CAST: variants seen among roughly 807,000 people sequenced by gnomAD.
CAST encodes the protein calpastatin.
A neutral mutation model predicts 119.6 loss-of-function variants in CAST; 76 were observed. The observed-to-expected ratio is 0.64, with a 90% CI of 0.53 to 0.77. The LOEUF (loss-of-function observed/expected upper bound fraction) is 0.77, where lower values mean the gene tolerates loss of function less well. Ranked by LOEUF, CAST falls within the 30% of genes least tolerant of loss-of-function variation. The pLI, the probability that CAST is intolerant of heterozygous loss-of-function variation, is 0.00. For missense variants in CAST, 953 were observed against 946.5 expected, an observed-to-expected ratio of 1.01 and a Z score of -0.09; for synonymous variants, 319 against 331.6, an observed-to-expected ratio of 0.96 and a Z score of 0.41.
At chr5:96,361,391 C>A in the CAST span, among the ~76,000 whole-genome samples, 1 of 152,146 alleles carries the variant, frequency 6.6e-6, no homozygotes, top group Non-Finnish European at 1.5e-5. Context: ...AAAAAAAACT[C>A]CTGCAGCTAG....
At chr5:96,670,471 T>G (rs1032469395) in intron 1 of CAST, among the ~76,000 whole-genome samples, 2 of 151,532 alleles carry the variant, frequency 1.3e-5, no homozygotes, top group Middle Eastern at 3.4e-3. Context: ...TCTTCTTGCT[T>G]CTTTTATATG....
At chr5:96,566,747 G>C (rs1318799663) in intron 1 of CAST, among the ~76,000 whole-genome samples, 1 of 152,144 alleles carries the variant, frequency 6.6e-6, no homozygotes, top group Non-Finnish European at 1.5e-5. Context: ...CTGCTGACAA[G>C]AAACATATAC....
In CAST at chr5:96,570,693, C is replaced by T. The variant is rs760200950; in HGVS notation, c.60+40813C>T. On this transcript the variant is annotated intron_variant, in intron 1 of 11. Coordinates refer to the CAST transcript ENST00000505143. The stretch of plus-strand genomic sequence containing the variant: ...CTTGTAGCATTTTTCCAAGCAACTT[C>T]GGTAAAGATTTAAATTAGTTTTTAC... Among the ~76,000 whole-genome samples, 7 of 152,144 alleles carry T rather than the reference C, an allele frequency of 4.6e-5. No individual in the cohort carries two copies. In the South Asian group the frequency reaches 8.3e-4, roughly 18 times the overall value.
chr5:96,738,035 A>T (rs1761996636), intron 11 of CAST, 88 bp downstream of exon 11: 4 of 760,794 alleles, frequency 5.3e-6, no homozygotes, highest in Non-Finnish European at 9.0e-6. Flanking sequence ...AAGAATACCT[A>T]GTGAGGCCAG....
chr5:96,137,832 G>A, the CAST span, among the ~76,000 whole-genome samples: 1 of 151,966 alleles, frequency 6.6e-6, no homozygotes, highest in Non-Finnish European at 1.5e-5. Flanking sequence ...CTGTTTTTTA[G>A]TTGGTCTGTT....
At chr5:96,702,536 C>T (rs1395882063) in intron 3 of CAST, among the ~76,000 whole-genome samples, 1 of 152,194 alleles carries the variant, frequency 6.6e-6, no homozygotes, top group Admixed American at 6.5e-5. Context: ...GTGCACCCAC[C>T]GTCGTTGCCT....
intron 12 of CAST, among the ~76,000 whole-genome samples, chr5:96,740,385 G>A (rs1262926243): frequency 6.6e-6 from 1 of 152,128 alleles, no homozygotes; most frequent in African/African-American, 2.4e-5. Flanking sequence ...CCTTCTGAGG[G>A]CTGTGAGGGA....
chr5:96,362,450 A>G, the CAST span, among the ~76,000 whole-genome samples: 9 of 152,210 alleles, frequency 5.9e-5, no homozygotes, highest in Non-Finnish European at 1.0e-4. Flanking sequence ...AGTCCCACCA[A>G]CAGTGTAAAA....
At chr5:96,528,982 G>A (rs149324431), upstream of CAST, among the ~76,000 whole-genome samples, 95 of 152,334 alleles carry the variant, frequency 6.2e-4, 1 homozygote, top group Non-Finnish European at 1.2e-3. Flanking sequence ...CATAAACCTG[G>A]TGACTACGAC....
At chr5:96,618,336 T>C (rs1034008250) in intron 1 of CAST, among the ~76,000 whole-genome samples, 1 of 152,188 alleles carries the variant, frequency 6.6e-6, no homozygotes, top group African/African-American at 2.4e-5. Flanking sequence ...CTCCTGGTCT[T>C]AGTGAGATGT....
In CAST at chr5:96,588,196, CTTTTTTTT is replaced by C. The variant is rs140665192; in HGVS notation, c.60+58333_60+58340del. ...TATTATTTTCTTTCTTTCTTTCTTT[CTTTTTTTT>C]TTTTTTTTTTTTTTTTGAGATGGAG... On this transcript the variant is annotated intron_variant, in intron 1 of 11. Transcript: ENST00000505143. Among the ~76,000 whole-genome samples, 224 of 75,844 alleles carry C rather than the reference CTTTTTTTT, an allele frequency of 3.0e-3. 1 individual carries two copies. The highest frequency in any genetic ancestry group is 4.9e-3 in the Admixed American group (24 of 4,872). The allele number at this position is 75,844 out of a possible 152,430, so 49.8% of individuals were successfully genotyped here.
At chr5:96,193,654 T>C in the CAST span, among the ~76,000 whole-genome samples, 4 of 150,576 alleles carry the variant, frequency 2.7e-5, no homozygotes, top group African/African-American at 1.0e-4. Flanking sequence ...CTTGAATAAA[T>C]GTATAACTCA....
chr5:96,192,447 A>G, the CAST span, among the ~76,000 whole-genome samples: 151 of 152,328 alleles, frequency 9.9e-4, no homozygotes, highest in African/African-American at 3.6e-3. Flanking sequence ...GACAAATCAC[A>G]TTTTAGGAAT....
At chr5:95,961,673 G>T in the CAST span, 4 of 1,607,880 alleles carry the variant, frequency 2.5e-6, no homozygotes, top group South Asian at 2.2e-5. Flanking sequence ...CCGCACGACA[G>T]CCCATAGCGC....
At chr5:96,703,396 C>T (rs936502771) in intron 3 of CAST, among the ~76,000 whole-genome samples, 3 of 152,230 alleles carry the variant, frequency 2.0e-5, no homozygotes, top group African/African-American at 7.2e-5. Flanking sequence ...GACCTTTCTG[C>T]GTACCTGATA....
chr5:96,495,013 G>A, the CAST span, among the ~76,000 whole-genome samples: 1 of 151,660 alleles, frequency 6.6e-6, no homozygotes, highest in Non-Finnish European at 1.5e-5. Context: ...AGCTACTCGG[G>A]AAGCTGAGGC....
At chr5:96,038,774 A>T in the CAST span, among the ~76,000 whole-genome samples, 1 of 152,082 alleles carries the variant, frequency 6.6e-6, no homozygotes, top group South Asian at 2.1e-4. Flanking sequence ...TCTATCATTG[A>T]TGGACATCTG....
At chr5:96,527,708 C>T (rs1418513121), upstream of CAST, among the ~76,000 whole-genome samples, 1 of 152,230 alleles carries the variant, frequency 6.6e-6, no homozygotes, top group Non-Finnish European at 1.5e-5. Context: ...AAGAACACTT[C>T]TTTCCCAGAA....
the CAST span, among the ~76,000 whole-genome samples, chr5:96,123,671 G>A: frequency 9.2e-5 from 14 of 152,230 alleles, no homozygotes; most frequent in South Asian, 2.5e-3. Context: ...ACAACTGAAG[G>A]TTGGTATGTA....
Sources: allele counts gnomAD v4.1 joint callset (sites outside exome capture counted in the v4.1 genomes callset), GRCh38; gene constraint gnomAD v4.1.1; transcripts MANE v1.5; gene names NCBI Gene and HGNC (gene_info 2026-07-23, HGNC 2026-07-21).